Variants in SEC11A observed in about 807,000 individuals in gnomAD.
The protein encoded by SEC11A is SEC11 homolog A, signal peptidase complex subunit.
A neutral mutation model predicts 25.6 loss-of-function variants in SEC11A; 14 were observed. The observed-to-expected ratio is 0.55, with a 90% CI of 0.36 to 0.85. SEC11A has a LOEUF of 0.85. Among genes scored for constraint, SEC11A ranks in the 40% least tolerant of loss-of-function variants. The probability of loss-of-function intolerance (pLI) is 0.01; values close to 1 mark genes in which losing one functional copy is unlikely to be tolerated. For synonymous variants in SEC11A, 83 were observed against 76.4 expected, an observed-to-expected ratio of 1.09 and a Z score of -0.45; for missense variants, 153 against 222.9, an observed-to-expected ratio of 0.69 and a Z score of 2.00.
chr15:84,693,947 C>T (rs916041318), intron 1 of SEC11A, among the ~76,000 whole-genome samples: 4 of 152,106 alleles, frequency 2.6e-5, no homozygotes, highest in Non-Finnish European at 5.9e-5. Context: ...CATAAGTATA[C>T]ATAGAACAAA....
Position 84,672,529 on chromosome 15 carries a change from G to C in SEC11A, c.432-1747C>G, listed in dbSNP as rs1021306303. 3.8e-4 allele frequency: 65 copies of C among 170,762 alleles called. No individual in the cohort carries two copies. The East Asian group carries it at 7.9e-3, about 21-fold the overall frequency. 10.6% of individuals were successfully genotyped at this position (170,762 alleles called of 1,614,324 possible). ...AGTGGTCCGCCAGCCTCGGCCTCCC[G>C]AGGTGCCGGGATTGCAGACGGAGTC... is the stretch of plus-strand genomic sequence containing the variant. On this transcript the variant is annotated intron_variant, in intron 4 of 5. Transcript: ENST00000268220.
intron 1 of SEC11A, among the ~76,000 whole-genome samples, chr15:84,692,983 G>A (rs1188334021): frequency 1.3e-5 from 2 of 151,860 alleles, no homozygotes; most frequent in South Asian, 2.1e-4. Context: ...GTAGCCAGAC[G>A]TGGTAATTTT....
At chr15:84,705,012 A>T (rs1169838513) in intron 1 of SEC11A, among the ~76,000 whole-genome samples, 1 of 151,766 alleles carries the variant, frequency 6.6e-6, no homozygotes, top group Non-Finnish European at 1.5e-5. Flanking sequence ...GCAGGCTCAA[A>T]CTTCTGGGCT....
intron 1 of SEC11A, among the ~76,000 whole-genome samples, chr15:84,708,413 C>T (rs1356467614): frequency 2.0e-5 from 3 of 151,834 alleles, no homozygotes; most frequent in African/African-American, 7.3e-5. Flanking sequence ...ATTACTTTTC[C>T]ATAATCAAAA....
intron 3 of SEC11A, among the ~76,000 whole-genome samples, chr15:84,687,220 C>T (rs1897453451): frequency 6.6e-6 from 1 of 152,038 alleles, no homozygotes; most frequent in Non-Finnish European, 1.5e-5. Flanking sequence ...CACCATGTTG[C>T]CCAGGCTGAC....
chr15:84,709,896 C>G (rs915510572), intron 1 of SEC11A, among the ~76,000 whole-genome samples: 2 of 152,192 alleles, frequency 1.3e-5, no homozygotes, highest in Admixed American at 6.5e-5. Context: ...GCGTGTGCCA[C>G]CACACCTGGC....
intron 1 of SEC11A, among the ~76,000 whole-genome samples, chr15:84,712,707 A>G (rs1418652737): frequency 6.6e-6 from 1 of 151,950 alleles, no homozygotes; most frequent in East Asian, 1.9e-4. Flanking sequence ...TCGGCCTCCC[A>G]AAGTGCTGGA....
rs750006198 is a variant in SEC11A, at chr15:84,691,640, T to C, written c.56A>G (p.Tyr19Cys). Residue 19 changes from tyrosine (Y) to cysteine (C), a missense_variant, in exon 2 of 6, where the codon TAT (tyrosine) becomes TGT (cysteine). Transcript: ENST00000268220. ...CATTCCAAAATTTAGGACTTGATAA[T>C]AGAGCTGCAAGAACAAAACAGAAGA... ...DVRRMNKRQL[Y>C]YQVLNFGMIV... is the part of the protein sequence containing the mutation. 4.4e-6 allele frequency: 7 copies of C among 1,585,170 alleles called. No homozygotes were observed. Among genetic ancestry groups the C allele is most frequent in the African/African-American group, 4.0e-5 (3 of 74,242 alleles).
chr15:84,697,904 A>G (rs1322842654), intron 1 of SEC11A, among the ~76,000 whole-genome samples: 1 of 152,130 alleles, frequency 6.6e-6, no homozygotes, highest in Non-Finnish European at 1.5e-5. Flanking sequence ...GACCAGAACA[A>G]TATTTCTTCA....
intron 1 of SEC11A, among the ~76,000 whole-genome samples, 169 bp downstream of exon 1, chr15:84,715,856 A>G (rs1192181899): frequency 6.6e-6 from 1 of 152,166 alleles, no homozygotes; most frequent in East Asian, 1.9e-4. Context: ...GTTAAAAATA[A>G]TGAGGCGGAC....
At chr15:84,705,285 A>G (rs1200768383) in intron 1 of SEC11A, among the ~76,000 whole-genome samples, 1 of 152,126 alleles carries the variant, frequency 6.6e-6, no homozygotes, top group Non-Finnish European at 1.5e-5. Flanking sequence ...ACAGTTACTT[A>G]TATTAGATTT....
At chr15:84,678,887 G>A (rs986683380) in intron 4 of SEC11A, among the ~76,000 whole-genome samples, 2 of 151,790 alleles carry the variant, frequency 1.3e-5, no homozygotes, top group African/African-American at 4.8e-5. Flanking sequence ...CCAGCTACTC[G>A]GGAGGCTGAG....
intron 5 of SEC11A, chr15:84,670,419 A>G: frequency 3.8e-6 from 1 of 264,722 alleles, no homozygotes; most frequent in Non-Finnish European, 7.2e-6. Context: ...TTGTATTTTT[A>G]GTAAAGACAG....
intron 1 of SEC11A, among the ~76,000 whole-genome samples, chr15:84,707,589 C>A (rs1898134738): frequency 6.6e-6 from 1 of 152,114 alleles, no homozygotes; most frequent in South Asian, 2.1e-4. Flanking sequence ...ACAAAATTTT[C>A]CAGTTAAGGA....
intron 1 of SEC11A, among the ~76,000 whole-genome samples, chr15:84,701,579 C>T (rs570797359): frequency 1.3e-5 from 2 of 151,852 alleles, no homozygotes; most frequent in African/African-American, 4.8e-5. Context: ...AAATACTATA[C>T]TTAGAAGTTA....
intron 4 of SEC11A, among the ~76,000 whole-genome samples, chr15:84,678,985 A>G (rs936056008): frequency 6.6e-6 from 1 of 150,608 alleles, no homozygotes; most frequent in African/African-American, 2.5e-5. Context: ...ACAGAGCAAG[A>G]CTGTCTCCAA....
At chr15:84,677,565 C>T (rs1315663063) in intron 4 of SEC11A, among the ~76,000 whole-genome samples, 2 of 151,418 alleles carry the variant, frequency 1.3e-5, no homozygotes, top group Non-Finnish European at 2.9e-5. Flanking sequence ...CTCCACCTCC[C>T]GGGTTCATGC....
intron 1 of SEC11A, among the ~76,000 whole-genome samples, chr15:84,696,037 A>G (rs1811852800): frequency 6.6e-6 from 1 of 152,222 alleles, no homozygotes; most frequent in South Asian, 2.1e-4. Flanking sequence ...TACTCAATCA[A>G]TGTAATTAAT....
In SEC11A at chr15:84,694,995, C is replaced by A. The variant is rs551147080; in HGVS notation, c.52-3351G>T. On this transcript the variant is annotated intron_variant, in intron 1 of 5. Transcript: ENST00000268220. ...ATTCCAGCTACTCGGGAGGCTGAGGCAGGAGAATTGCTTGAACCCGGGAGG... is the reference window on the plus strand; with the variant it reads ...ATTCCAGCTACTCGGGAGGCTGAGGAAGGAGAATTGCTTGAACCCGGGAGG... Among the ~76,000 whole-genome samples the A allele has an allele frequency of 2.1e-5, 3 of 142,314 alleles. No homozygotes were observed. In the South Asian group the frequency reaches 6.8e-4, roughly 32 times the overall value. 93.4% of individuals were successfully genotyped at this position (142,314 alleles called of 152,430 possible). A position where few individuals can be genotyped will look rare whatever the true frequency, so the allele number is the denominator to read the frequency against.
Sources: allele counts gnomAD v4.1 joint callset (sites outside exome capture counted in the v4.1 genomes callset), GRCh38; gene constraint gnomAD v4.1.1; transcripts MANE v1.5; gene names NCBI Gene and HGNC (gene_info 2026-07-23, HGNC 2026-07-21).